The following ZBTB16 variants were observed in gnomAD, a reference collection of about 807,000 sequenced individuals.
ZBTB16 encodes zinc finger and BTB domain containing 16, also known as zinc finger and BTB domain-containing protein 16.
A neutral mutation model predicts 56.8 loss-of-function variants in ZBTB16; 8 were observed. That is an observed-to-expected ratio of 0.14 (90% CI 0.08 to 0.25). The LOEUF is 0.25. ZBTB16 is among the 10% of genes least tolerant of loss of function. The pLI is 1.00. For missense variants in ZBTB16, 625 were observed against 903.0 expected, an observed-to-expected ratio of 0.69 and a Z score of 3.95; for synonymous variants, 363 against 368.5, an observed-to-expected ratio of 0.98 and a Z score of 0.17.
chr11:114,064,496 G>A lies in ZBTB16; in HGVS notation c.1196G>A (p.Ser399Asn). 6.2e-7 allele frequency: 1 copy of A among 1,614,148 alleles called. No homozygotes were observed. The highest frequency in any genetic ancestry group is 8.5e-7 in the Non-Finnish European group (1 of 1,180,046). The change falls in exon 2 of 7, where the codon AGC becomes AAC. Residue 399 changes from serine (S) to asparagine (N), a missense_variant. By Grantham distance (46) the Ser-to-Asn change is conservative. Transcript: ENST00000335953. The surrounding 1 kb of genome is among the most constrained non-coding windows in gnomAD (Gnocchi z 4.2). ...CTGGCTGTGGGCATGAAGTCAGAGA[G>A]CCGGACCATCGGAGAGCAGTGCAGC... ...GELAVGMKSE[S>N]RTIGEQCSVC...
At chr11:114,106,494 A>G (rs927788462) in intron 2 of ZBTB16, among the ~76,000 whole-genome samples, 4 of 148,260 alleles carry the variant, frequency 2.7e-5, no homozygotes, top group African/African-American at 1.0e-4. Flanking sequence ...TTTTTGAGAC[A>G]GAGTCTTGCT....
At chr11:114,081,723 T>C (rs1453570462) in intron 2 of ZBTB16, among the ~76,000 whole-genome samples, 1 of 152,062 alleles carries the variant, frequency 6.6e-6, no homozygotes, top group Non-Finnish European at 1.5e-5. Flanking sequence ...TATTAAAGGA[T>C]AAGTAGGTTT....
chr11:114,209,213 C>A (rs1166818103), intron 4 of ZBTB16, among the ~76,000 whole-genome samples: 17 of 152,162 alleles, frequency 1.1e-4, no homozygotes, highest in Admixed American at 1.1e-3. Flanking sequence ...GGTTTGGAAG[C>A]AGGAGGAGGA....
rs140031649 is a variant in ZBTB16, at chr11:114,153,715, G to A, written c.1269-2622G>A. Among the ~76,000 whole-genome samples, 522 of 152,348 alleles carry A rather than the reference G, an allele frequency of 3.4e-3. 7 individuals carry two copies. Among genetic ancestry groups the A allele is most frequent in the African/African-American group, 0.011 (472 of 41,586 alleles). On this transcript the variant is annotated intron_variant, in intron 2 of 6. Coordinates refer to ENST00000335953, the MANE Select transcript of ZBTB16 (RefSeq NM_006006.6). ...CACAATGCACCGTAAGAAGTGGGAC[G>A]TGGCTCAGGGAGAATAATAGTGCCC...
In ZBTB16 at chr11:114,064,865, G is replaced by T. The variant is rs1431110251; in HGVS notation, c.1268+297G>T. Among the ~76,000 whole-genome samples, 2 of 152,086 alleles carry T rather than the reference G, an allele frequency of 1.3e-5. No individual in the cohort carries two copies. Among genetic ancestry groups the T allele is most frequent in the Admixed American group, 6.6e-5 (1 of 15,262 alleles). On this transcript the variant is annotated intron_variant, in intron 2 of 6. Transcript: ENST00000335953. This position sits in a 1 kb window ranked among gnomAD's most constrained non-coding sequence, Gnocchi z 4.2. ...CCCTGTTTGTTTTTTCGGCTGTTTG[G>T]TCTGTTCTCCTTTGCTTGGAGTGAC...
intron 2 of ZBTB16, among the ~76,000 whole-genome samples, chr11:114,069,051 G>T (rs1939231458): frequency 6.6e-6 from 1 of 152,168 alleles, no homozygotes; most frequent in Admixed American, 6.5e-5. Context: ...AGCTGCAGTG[G>T]ATGTCCTGCA....
At chr11:114,183,098 A>T (rs1943286046) in intron 3 of ZBTB16, among the ~76,000 whole-genome samples, 1 of 146,988 alleles carries the variant, frequency 6.8e-6, no homozygotes, top group Non-Finnish European at 1.5e-5. Context: ...CACCCTGGAG[A>T]GCTGGGGGGG....
intron 4 of ZBTB16, among the ~76,000 whole-genome samples, chr11:114,196,445 T>G (rs1285809462): frequency 7.3e-6 from 1 of 137,876 alleles, no homozygotes; most frequent in Non-Finnish European, 1.6e-5. Context: ...CTGGGAAGCT[T>G]AAGGGCACCC....
rs1390899589 is a variant in ZBTB16 at position 114,095,593 on chromosome 11, A to G, written c.1268+31025A>G. Among the ~76,000 whole-genome samples the G allele has an allele frequency of 2.6e-5, 4 of 152,160 alleles. No homozygotes were observed. In the East Asian group the frequency reaches 7.7e-4, roughly 29 times the overall value. ...CTTATACATAGGTTATGGAGCAGGG[A>G]GAAAGAGACATGCAAACAAGGCAGA... On this transcript the variant is annotated intron_variant, in intron 2 of 6. Transcript: ENST00000335953.
At chr11:114,186,794 C>G (rs1943370386) in intron 3 of ZBTB16, among the ~76,000 whole-genome samples, 158 bp from the exon 4 acceptor site, 2 of 152,192 alleles carry the variant, frequency 1.3e-5, no homozygotes, top group Admixed American at 6.5e-5. Context: ...ATGCTCACCT[C>G]TTGGAGGAGG....
intron 4 of ZBTB16, among the ~76,000 whole-genome samples, chr11:114,212,486 G>A (rs1384806876): frequency 6.6e-6 from 1 of 152,130 alleles, no homozygotes; most frequent in Non-Finnish European, 1.5e-5. Context: ...AATTTAGAAA[G>A]GGACTTGGGG....
intron 2 of ZBTB16, among the ~76,000 whole-genome samples, chr11:114,139,944 T>C (rs1941902938): frequency 6.6e-6 from 1 of 152,188 alleles, no homozygotes; most frequent in Admixed American, 6.5e-5. Context: ...TCCTAGAGCG[T>C]GTCAGACCTC....
At position 114,063,785 on chromosome 11, in the gene ZBTB16, C is replaced by T. The variant is rs1439592189; in HGVS notation, c.485C>T (p.Ser162Phe). ...YLKNIFISKH[S>F]SEESGYASVA... Reference sequence around the variant, plus strand: ...AAGAACATCTTCATCTCGAAGCATTCCAGCGAGGAGAGTGGGTATGCCAGT... The same window carrying T: ...AAGAACATCTTCATCTCGAAGCATTTCAGCGAGGAGAGTGGGTATGCCAGT... Residue 162 changes from serine (S) to phenylalanine (F), a missense_variant, in exon 2 of 7, where the codon TCC becomes TTC. Ser to Phe is a radical substitution (Grantham distance 155). Transcript: ENST00000335953. The surrounding 1 kb of genome is among the most constrained non-coding windows in gnomAD (Gnocchi z 6.5). 1.2e-6 allele frequency: 2 copies of T among 1,614,034 alleles called. No homozygotes were observed. Among genetic ancestry groups the T allele is most frequent in the African/African-American group, 2.7e-5 (2 of 74,944 alleles).
chr11:114,066,017 C>A (rs977011859), intron 2 of ZBTB16, among the ~76,000 whole-genome samples: 3 of 152,200 alleles, frequency 2.0e-5, no homozygotes, highest in Non-Finnish European at 2.9e-5. Context: ...GTTTCTGGGT[C>A]AGATGAATGG....
rs574397487 is a variant in ZBTB16, at chr11:114,250,656, A to T, written c.*101A>T. On this transcript the variant is annotated 3_prime_UTR_variant, in exon 7 of 7. Transcript: ENST00000335953. This position sits in a 1 kb window ranked among gnomAD's most constrained non-coding sequence, Gnocchi z 6.0. The stretch of plus-strand genomic sequence containing the variant: ...ACAAATAAAAAAGGAAAAGAAAAAA[A>T]AAAACAGAAGGAAAAGGAAACCTGG... The T allele has an allele frequency of 1.5e-6, 2 of 1,344,118 alleles. No individual in the cohort carries two copies. The highest frequency in any genetic ancestry group is 1.5e-5 in the African/African-American group (1 of 67,498). 83.3% of individuals were successfully genotyped at this position (1,344,118 alleles called of 1,614,324 possible).
At chr11:114,193,322 A>C (rs914984379) in intron 4 of ZBTB16, among the ~76,000 whole-genome samples, 3 of 152,266 alleles carry the variant, frequency 2.0e-5, no homozygotes, top group Admixed American at 2.0e-4. Flanking sequence ...ACCAAGGTGG[A>C]TGCTTTGAGA....
intron 2 of ZBTB16, among the ~76,000 whole-genome samples, chr11:114,072,434 G>A (rs1258820800): frequency 6.6e-6 from 1 of 152,186 alleles, no homozygotes; most frequent in Admixed American, 6.5e-5. Flanking sequence ...GCCTGTGCAC[G>A]TGGCCAGGCG....
chr11:114,181,276 A>T (rs151026769), intron 3 of ZBTB16, among the ~76,000 whole-genome samples: 2 of 152,192 alleles, frequency 1.3e-5, no homozygotes, highest in African/African-American at 2.4e-5. Context: ...CAGCTGTAGG[A>T]TGGAGCACTT....
chr11:114,233,177 A>G (rs1944495210), intron 4 of ZBTB16, among the ~76,000 whole-genome samples: 1 of 150,244 alleles, frequency 6.7e-6, no homozygotes, highest in South Asian at 2.1e-4. Context: ...CTCTTGGAGA[A>G]GTTTTAATTC....
Sources: gnomAD v4.1 joint callset for allele counts (sites outside exome capture counted in the v4.1 genomes callset) on GRCh38, gnomAD v4.1.1 for gene constraint, Gnocchi (gnomAD v3.1) non-coding constraint, MANE v1.5 for transcripts, NCBI Gene and HGNC (gene_info 2026-07-23, HGNC 2026-07-21) for gene names.